The following SEMA3D variants were observed in gnomAD, a reference collection of about 807,000 sequenced individuals.
SEMA3D encodes the protein semaphorin 3D, also known as semaphorin-3D.
Under a neutral mutation model 100.1 loss-of-function variants are expected in SEMA3D, and 84 were observed. That is an observed-to-expected ratio of 0.84 (90% confidence interval 0.70 to 1.01). SEMA3D has a LOEUF of 1.01. SEMA3D is among the 50% of genes least tolerant of loss of function. SEMA3D has a pLI of 0.00. For synonymous variants in SEMA3D, 312 were observed against 320.7 expected, an observed-to-expected ratio of 0.97 and a Z score of 0.29; for missense variants, 875 against 934.1, an observed-to-expected ratio of 0.94 and a Z score of 0.82.
chr7:85,232,463 T>C, the SEMA3D span, among the ~76,000 whole-genome samples: 2 of 152,208 alleles, frequency 1.3e-5, no homozygotes, highest in African/African-American at 4.8e-5. Context: ...GTGGTGGCAG[T>C]GTAGAAAGAA....
At chr7:85,048,689 G>C (rs568320940) in intron 9 of SEMA3D, among the ~76,000 whole-genome samples, 1 of 151,798 alleles carries the variant, frequency 6.6e-6, no homozygotes, top group African/African-American at 2.4e-5. Flanking sequence ...TCATGTACCT[G>C]GTTCATTGGG....
chr7:85,028,123 G>A (rs1790442371), intron 12 of SEMA3D: 1 of 637,594 alleles, frequency 1.6e-6, no homozygotes, highest in Admixed American at 1.9e-5. Flanking sequence ...AATGATGCTG[G>A]CAGGCCCAAG....
the SEMA3D span, among the ~76,000 whole-genome samples, chr7:85,209,335 C>T: frequency 4.4e-4 from 67 of 151,624 alleles, no homozygotes; most frequent in African/African-American, 1.5e-3. Flanking sequence ...CACGTACAAC[C>T]GGTGCTATAG....
At chr7:85,016,758 TTTTG>T (rs1165896816) in intron 15 of SEMA3D, among the ~76,000 whole-genome samples, 1 of 150,878 alleles carries the variant, frequency 6.6e-6, no homozygotes, top group Non-Finnish European at 1.5e-5. Flanking sequence ...ATAAATGTAT[TTTTG>T]TTTGTTTGTT....
intron 12 of SEMA3D, among the ~76,000 whole-genome samples, chr7:85,025,981 C>G (rs1457577509): frequency 6.6e-6 from 1 of 152,010 alleles, no homozygotes; most frequent in Non-Finnish European, 1.5e-5. Context: ...TGAAGAACTT[C>G]ATTTTAAAAG....
At chr7:85,185,184 T>A (rs1244635555) in intron 1 of SEMA3D, among the ~76,000 whole-genome samples, 1 of 152,128 alleles carries the variant, frequency 6.6e-6, no homozygotes, top group Non-Finnish European at 1.5e-5. Flanking sequence ...TCTTTCCACG[T>A]GCAGAACTGG....
chr7:85,187,359 G>A (rs1408723876), upstream of SEMA3D, among the ~76,000 whole-genome samples: 2 of 152,180 alleles, frequency 1.3e-5, no homozygotes, highest in African/African-American at 4.8e-5. Context: ...GGGACCCCAT[G>A]AGGAAGAAAC....
chr7:85,185,626 C>T (rs1791518017), intron 1 of SEMA3D, among the ~76,000 whole-genome samples: 1 of 152,204 alleles, frequency 6.6e-6, no homozygotes, highest in Non-Finnish European at 1.5e-5. Context: ...GCGCGCGGCT[C>T]TCTTCCAGTC....
chr7:85,139,986 C>A, intron 2 of SEMA3D: 1 of 313,990 alleles, frequency 3.2e-6, no homozygotes, highest in Non-Finnish European at 4.6e-6. Flanking sequence ...ACTATTATAA[C>A]CACAGAAAAA....
chr7:85,140,347 G>A (rs966517595), intron 2 of SEMA3D: 4 of 980,118 alleles, frequency 4.1e-6, no homozygotes, highest in Non-Finnish European at 4.8e-6. Flanking sequence ...TATAAGTTAA[G>A]GTCTGGTTTA....
At chr7:85,058,624 T>C (rs1791389904) in intron 8 of SEMA3D, among the ~76,000 whole-genome samples, 2 of 148,246 alleles carry the variant, frequency 1.3e-5, no homozygotes, top group Non-Finnish European at 2.9e-5. Context: ...GGCGGGCGCC[T>C]GCAGTCCCAG....
In SEMA3D at chr7:85,073,022, C is replaced by T. The variant is rs780519260; in HGVS notation, c.435G>A (p.Val145=). The T allele has an allele frequency of 2.5e-6, 4 of 1,611,104 alleles. No individual in the cohort carries two copies. In the South Asian group the frequency reaches 3.3e-5, roughly 13 times the overall value. ...TTGGATGAAATGCTCCAGTTCCACA[C>T]ACATATATGTGAGTTTTGTTATAGG... is the stretch of plus-strand genomic sequence containing the variant. ...LQPYNKTHIY[V]CGTGAFHPIC... Residue 145 remains valine, a synonymous_variant, in exon 6 of 19, where the codon GTG becomes GTA. Coordinates refer to ENST00000284136, the MANE Select transcript of SEMA3D (RefSeq NM_001384900.1).
At chr7:85,056,544 G>C (rs1220940860) in intron 8 of SEMA3D, among the ~76,000 whole-genome samples, 1 of 150,728 alleles carries the variant, frequency 6.6e-6, no homozygotes, top group Non-Finnish European at 1.5e-5. Context: ...TATACATATA[G>C]CATATATAAG....
chr7:85,142,951 G>A, intron 2 of SEMA3D: 2 of 985,166 alleles, frequency 2.0e-6, no homozygotes, highest in Non-Finnish European at 2.4e-6. Context: ...TCTTAGTTAG[G>A]AAAAGTAATG....
At chr7:85,142,101 G>A (rs1463044608) in intron 2 of SEMA3D, 2 of 983,676 alleles carry the variant, frequency 2.0e-6, no homozygotes, top group African/African-American at 3.5e-5. Flanking sequence ...ATGCATTTTA[G>A]TTTTGATGTA....
intron 5 of SEMA3D, among the ~76,000 whole-genome samples, chr7:85,076,102 T>G (rs1306254964): frequency 2.6e-5 from 4 of 152,198 alleles, no homozygotes; most frequent in Non-Finnish European, 2.9e-5. Flanking sequence ...TGTCAGCTAT[T>G]GCCCACAATG....
intron 9 of SEMA3D, among the ~76,000 whole-genome samples, 155 bp downstream of exon 9, chr7:85,055,562 A>G (rs1395684318): frequency 6.7e-6 from 1 of 148,448 alleles, no homozygotes; most frequent in Non-Finnish European, 1.5e-5. Context: ...CAAAAATTAC[A>G]CATCTAGGGT....
chr7:85,241,833 ATAAG>A, the SEMA3D span, among the ~76,000 whole-genome samples: 3 of 152,122 alleles, frequency 2.0e-5, no homozygotes, highest in East Asian at 3.9e-4. Context: ...ATAAAAATAA[ATAAG>A]TAAATAAATA....
At chr7:85,038,038 G>T (rs1325780795) in intron 11 of SEMA3D, among the ~76,000 whole-genome samples, 3 of 136,638 alleles carry the variant, frequency 2.2e-5, no homozygotes, top group Non-Finnish European at 4.7e-5. Context: ...ACACACCGGG[G>T]CCTGTTGTGG....
Sources: allele counts gnomAD v4.1 joint callset (sites outside exome capture counted in the v4.1 genomes callset), GRCh38; gene constraint gnomAD v4.1.1; transcripts MANE v1.5; gene names NCBI Gene and HGNC (gene_info 2026-07-23, HGNC 2026-07-21).